The following CEACAM19 variants were observed in gnomAD, a reference collection of about 807,000 sequenced individuals.
The protein encoded by CEACAM19 is CEA cell adhesion molecule 19.
CEACAM19 carries 37 observed loss-of-function variants against 37.6 expected under a neutral mutation model. That is an observed-to-expected ratio of 0.98 (90% CI 0.76 to 1.29). The LOEUF is 1.29. Among genes scored for constraint, CEACAM19 ranks in the 50% most tolerant of loss-of-function variants. The probability of loss-of-function intolerance (pLI) is 0.00; values close to 1 mark genes in which losing one functional copy is unlikely to be tolerated. For synonymous variants in CEACAM19, 140 were observed against 149.8 expected (o/e 0.93, Z 0.48); for missense variants, 340 against 375.6 (o/e 0.91, Z 0.78).
Position 44,672,796 on chromosome 19 carries a change from C to A in CEACAM19, c.256C>A (p.Arg86=). 2 of 1,589,290 alleles carry A rather than the reference C, an allele frequency of 1.3e-6. No homozygotes were observed. The highest frequency in any genetic ancestry group is 1.7e-6 in the Non-Finnish European group (2 of 1,166,820). The part of the protein sequence containing the change: ...RLFTYIPGIQ[R]PQRDGSAMGQ... ...ATTTACCTACATCCCTGGGATACAA[C>A]GGCCTCAGAGGGATGGCAGTGCCAT... The change falls in exon 2 of 8, where the codon CGG becomes AGG. Residue 86 remains arginine, a synonymous_variant. Coordinates refer to ENST00000358777, the MANE Select transcript of CEACAM19 (RefSeq NM_001127893.3).
At chr19:44,667,765 ATATT>A (rs1458804381), upstream of CEACAM19, among the ~76,000 whole-genome samples, 16 of 74,416 alleles carry the variant, frequency 2.2e-4, no homozygotes, top group Non-Finnish European at 3.5e-4. Context: ...TAAATTATAT[ATATT>A]TATATATAAT....
At chr19:44,679,497 C>T (rs919238953) in intron 4 of CEACAM19, among the ~76,000 whole-genome samples, 1 of 152,182 alleles carries the variant, frequency 6.6e-6, no homozygotes, top group Non-Finnish European at 1.5e-5. Context: ...CGCCTGTAAT[C>T]CCAGCACTTT....
upstream of CEACAM19, chr19:44,667,006 C>T (rs573608853): frequency 2.7e-4 from 41 of 151,848 alleles, no homozygotes; most frequent in African/African-American, 9.7e-4. Flanking sequence ...CACAAAATAC[C>T]CCAGCCATAT....
intron 2 of CEACAM19, among the ~76,000 whole-genome samples, chr19:44,673,233 A>G (rs1361968597): frequency 6.6e-6 from 1 of 152,158 alleles, no homozygotes; most frequent in Non-Finnish European, 1.5e-5. Context: ...ACATTAACCA[A>G]ATTTTTATCG....
intron 2 of CEACAM19, among the ~76,000 whole-genome samples, chr19:44,674,919 T>G (rs1255189498): frequency 6.6e-6 from 1 of 152,122 alleles, no homozygotes; most frequent in Non-Finnish European, 1.5e-5. Context: ...AGGTCACAGG[T>G]GCCCCCTTTG....
At chr19:44,670,322 T>C (rs1035657377), upstream of CEACAM19, among the ~76,000 whole-genome samples, 8 of 127,222 alleles carry the variant, frequency 6.3e-5, no homozygotes, top group African/African-American at 2.3e-4. Flanking sequence ...GACCCTGTCT[T>C]AAAAAAAAAA....
intron 2 of CEACAM19, among the ~76,000 whole-genome samples, chr19:44,674,258 G>T (rs1973907137): frequency 2.6e-5 from 4 of 151,724 alleles, no homozygotes; most frequent in Admixed American, 2.6e-4. Context: ...AAAAAGTGGG[G>T]CTTGTGGGAG....
At position 44,684,154 on chromosome 19, in the gene CEACAM19, C is replaced by G. The variant is rs1974115985; in HGVS notation, c.*664C>G. ...CAGCAGCTCCCTTCTCCACCCCACCCCAGCACCCGTCCCAAATGTGGCCTC... is the reference window on the plus strand; with the variant it reads ...CAGCAGCTCCCTTCTCCACCCCACCGCAGCACCCGTCCCAAATGTGGCCTC... On this transcript the variant is annotated 3_prime_UTR_variant, in exon 8 of 8. Transcript: ENST00000358777. 6.6e-6 allele frequency: 1 copy of G among 152,390 alleles called. No homozygotes were observed. The highest frequency in any genetic ancestry group is 2.4e-5 in the African/African-American group (1 of 41,452). The allele number at this position is 152,390 out of a possible 1,614,324, so 9.4% of individuals were successfully genotyped here.
Position 44,681,430 on chromosome 19 carries a change from A to G in CEACAM19, c.792+118A>G, listed in dbSNP as rs1974057747. 3 of 609,596 alleles carry G rather than the reference A, an allele frequency of 4.9e-6. No individual in the cohort carries two copies. In the East Asian group the frequency reaches 9.0e-5, roughly 18 times the overall value. 37.8% of individuals were successfully genotyped at this position (609,596 alleles called of 1,614,324 possible). Reference sequence around the variant, plus strand: ...AGGTTTGGGAATCTCAACTCTCTATATATTGTTCCCTGTTTTTAAAAATCC... The same window carrying G: ...AGGTTTGGGAATCTCAACTCTCTATGTATTGTTCCCTGTTTTTAAAAATCC... On this transcript the variant is annotated intron_variant, in intron 6 of 7. Coordinates refer to ENST00000358777, the MANE Select transcript of CEACAM19 (RefSeq NM_001127893.3).
chr19:44,676,641 TAGTC>T (rs1273643346), intron 3 of CEACAM19, among the ~76,000 whole-genome samples: 4 of 152,158 alleles, frequency 2.6e-5, no homozygotes, highest in Non-Finnish European at 5.9e-5. Context: ...GAAGGAATTT[TAGTC>T]AGGGTCTCGC....
In CEACAM19 at chr19:44,676,397, G is replaced by A; in HGVS notation, c.551G>A (p.Arg184Lys). Residue 184 changes from arginine to lysine, a missense_variant, in exon 3 of 8, where the codon AGG (arginine) becomes AAG (lysine). Arg to Lys is a conservative substitution (Grantham distance 26). Coordinates refer to ENST00000358777, the MANE Select transcript of CEACAM19 (RefSeq NM_001127893.3). ...ISCIAYLLVT[R>K]NWRGQSHRLP... ...TGCATTGCCTATCTCCTGGTGACAA[G>A]GAACTGGAGGGGCCAGAGCCACAGG... 1 of 1,614,132 alleles carries A rather than the reference G, an allele frequency of 6.2e-7. No individual in the cohort carries two copies. Among genetic ancestry groups the A allele is most frequent in the Non-Finnish European group, 8.5e-7 (1 of 1,180,030 alleles).
intron 7 of CEACAM19, 64 bp downstream of exon 7, chr19:44,682,684 G>T (rs545088015): frequency 2.0e-6 from 3 of 1,470,382 alleles, no homozygotes; most frequent in African/African-American, 1.4e-5. Flanking sequence ...CCGAAGCCGG[G>T]GTGGGGAGGG....
chr19:44,667,890 T>C (rs1192492957), upstream of CEACAM19, among the ~76,000 whole-genome samples: 1 of 76,628 alleles, frequency 1.3e-5, no homozygotes, highest in Middle Eastern at 0.017. Flanking sequence ...TATATATAAA[T>C]TATATATAAT....
rs373489357 is a variant in CEACAM19, at chr19:44,676,326, G to A, written c.480G>A (p.Ala160=). 36 of 1,613,926 alleles carry A rather than the reference G, an allele frequency of 2.2e-5. No individual in the cohort carries two copies. Among genetic ancestry groups the A allele is most frequent in the African/African-American group, 4.0e-5 (3 of 74,878 alleles). Residue 160 remains alanine (A), a synonymous_variant, in exon 3 of 8, where the codon GCG becomes GCA. Coordinates refer to ENST00000358777, the MANE Select transcript of CEACAM19 (RefSeq NM_001127893.3). ...THLPTNAGIL[A]ATIIGSLAAG... ...TGCCCACCAACGCTGGGATCCTGGC[G>A]GCCACCATCATTGGATCTCTTGCTG...
intron 2 of CEACAM19, 53 bp from the exon 3 acceptor site, chr19:44,676,218 C>T (rs774021789): frequency 8.8e-6 from 14 of 1,588,946 alleles, no homozygotes; most frequent in Non-Finnish European, 1.2e-5. Flanking sequence ...TGGGGGAGCC[C>T]TCAGGAGACA....
In CEACAM19 at chr19:44,671,749, G is replaced by C; in HGVS notation, c.-183G>C. The C allele has an allele frequency of 1.8e-6, 1 of 563,060 alleles. No individual in the cohort carries two copies. Among genetic ancestry groups the C allele is most frequent in the Non-Finnish European group, 3.2e-6 (1 of 314,058 alleles). The allele number at this position is 563,060 out of a possible 1,614,324, so 34.9% of individuals were successfully genotyped here. A position where few individuals can be genotyped will look rare whatever the true frequency, so the allele number is the denominator to read the frequency against. On this transcript the variant is annotated 5_prime_UTR_variant, in exon 1 of 8. Coordinates refer to ENST00000358777, the MANE Select transcript of CEACAM19 (RefSeq NM_001127893.3). ...TCTGTCTGTGCTCCCATCCCAGGGAGTATAGGTGGAGCCTCCAGAGCCCAT... is the reference window on the plus strand; with the variant it reads ...TCTGTCTGTGCTCCCATCCCAGGGACTATAGGTGGAGCCTCCAGAGCCCAT...
intron 4 of CEACAM19, among the ~76,000 whole-genome samples, chr19:44,679,414 G>A (rs1228802385): frequency 6.6e-6 from 1 of 152,120 alleles, no homozygotes; most frequent in Admixed American, 6.5e-5. Flanking sequence ...AGACCAACCT[G>A]ATGAACATGG....
intron 5 of CEACAM19, 126 bp from the exon 6 acceptor site, chr19:44,681,101 G>T (rs1301183342): frequency 7.2e-6 from 5 of 693,756 alleles, no homozygotes. Context: ...CCAGCACTGG[G>T]TTTGGCTAGA....
intron 6 of CEACAM19, among the ~76,000 whole-genome samples, chr19:44,681,945 T>G (rs556773076): frequency 1.5e-4 from 22 of 149,498 alleles, no homozygotes; most frequent in African/African-American, 4.5e-4. Context: ...AAAAAAAAAG[T>G]TATTTAGATT....
Sources: gnomAD v4.1 joint callset for allele counts (sites outside exome capture counted in the v4.1 genomes callset) on GRCh38, gnomAD v4.1.1 for gene constraint, MANE v1.5 for transcripts, NCBI Gene and HGNC (gene_info 2026-07-23, HGNC 2026-07-21) for gene names.